The following NRG2 variants were observed in gnomAD, a reference collection of about 807,000 sequenced individuals.
NRG2 encodes pro-neuregulin-2, membrane-bound isoform.
A neutral mutation model predicts 73.9 loss-of-function variants in NRG2; 27 were observed. The observed-to-expected ratio is 0.37, with a 90% CI of 0.27 to 0.50. The LOEUF is 0.50. Among genes scored for constraint, NRG2 ranks in the 20% least tolerant of loss-of-function variants. NRG2 has a pLI of 0.96. For synonymous variants in NRG2, 532 were observed against 541.0 expected, an observed-to-expected ratio of 0.98 and a Z score of 0.23; for missense variants, 1,126 against 1,210.1, an observed-to-expected ratio of 0.93 and a Z score of 1.03.
intron 1 of NRG2, among the ~76,000 whole-genome samples, chr5:139,952,208 T>C (rs1015844212): frequency 6.6e-6 from 1 of 152,230 alleles, no homozygotes; most frequent in African/African-American, 2.4e-5. Flanking sequence ...TTCCTTTTCC[T>C]ACCCTGCTCC....
At chr5:139,950,564 G>A (rs1754127511) in intron 1 of NRG2, among the ~76,000 whole-genome samples, 1 of 152,210 alleles carries the variant, frequency 6.6e-6, no homozygotes, top group African/African-American at 2.4e-5. Context: ...GGGTAAAGGT[G>A]GCTTTGGACA....
chr5:139,854,119 A>G (rs1271884389), intron 6 of NRG2, among the ~76,000 whole-genome samples: 1 of 152,200 alleles, frequency 6.6e-6, no homozygotes, highest in Non-Finnish European at 1.5e-5. Context: ...ATTGGGCCTT[A>G]GTGTCCTGTT....
intron 1 of NRG2, among the ~76,000 whole-genome samples, chr5:139,897,821 G>C (rs1000537461): frequency 9.9e-5 from 15 of 152,194 alleles, no homozygotes; most frequent in Non-Finnish European, 7.3e-5. Flanking sequence ...GCCCTAGAAT[G>C]GCAGAGCAGA....
intron 1 of NRG2, among the ~76,000 whole-genome samples, chr5:140,040,669 G>T (rs1268487208): frequency 6.6e-6 from 1 of 152,080 alleles, no homozygotes. Context: ...GCTGTCCTTG[G>T]ACAAGATTCA....
chr5:139,885,967 C>T (rs1357795839), intron 2 of NRG2, among the ~76,000 whole-genome samples: 1 of 151,888 alleles, frequency 6.6e-6, no homozygotes, highest in African/African-American at 2.4e-5. Flanking sequence ...TGGAAGCAGC[C>T]TTGGTAGGGC....
chr5:139,956,704 A>AG (rs1348799382), intron 1 of NRG2, among the ~76,000 whole-genome samples: 1 of 152,228 alleles, frequency 6.6e-6, no homozygotes, highest in African/African-American at 2.4e-5. Flanking sequence ...CTAAATCAGC[A>AG]GGGCAGCTAG....
chr5:139,893,546 C>A (rs1448958387), intron 1 of NRG2, among the ~76,000 whole-genome samples: 1 of 152,206 alleles, frequency 6.6e-6, no homozygotes, highest in Middle Eastern at 3.2e-3. Flanking sequence ...CAGCTCCTTC[C>A]CCAGAGACGA....
chr5:139,949,017 C>T (rs1753998366), intron 1 of NRG2, among the ~76,000 whole-genome samples: 1 of 152,022 alleles, frequency 6.6e-6, no homozygotes, highest in Non-Finnish European at 1.5e-5. Context: ...TTCTCAGTGA[C>T]CCTGAGGCTT....
Position 139,895,848 on chromosome 5 carries a change from C to G in NRG2, c.701-8337G>C, listed in dbSNP as rs181528460. Among the ~76,000 whole-genome samples the G allele has an allele frequency of 5.9e-5, 9 of 152,352 alleles. No individual in the cohort carries two copies. The East Asian group carries it at 1.7e-3, about 29-fold the overall frequency. ...ACCCAAACTCTGTTTAATCTCCCTA[C>G]TGGGGAAAGCTGGGCTCTGGGCCAA... On this transcript the variant is annotated intron_variant, in intron 1 of 9. Coordinates refer to ENST00000361474, the MANE Select transcript of NRG2 (RefSeq NM_004883.3).
chr5:140,037,215 A>C (rs939084746), intron 1 of NRG2, among the ~76,000 whole-genome samples: 2 of 152,222 alleles, frequency 1.3e-5, no homozygotes, highest in African/African-American at 2.4e-5. Context: ...GATCTCCCAC[A>C]TGGACTCTAC....
At chr5:139,913,095 A>G (rs1750967663) in intron 1 of NRG2, among the ~76,000 whole-genome samples, 1 of 152,190 alleles carries the variant, frequency 6.6e-6, no homozygotes. Context: ...GCTCATGGGA[A>G]GTGGCATGCA....
intron 1 of NRG2, among the ~76,000 whole-genome samples, chr5:139,990,756 A>C (rs1360210535): frequency 1.3e-5 from 2 of 152,184 alleles, no homozygotes; most frequent in African/African-American, 4.8e-5. Flanking sequence ...AATGATGTTA[A>C]ACATCTCTCC....
intron 1 of NRG2, among the ~76,000 whole-genome samples, chr5:139,947,707 A>T (rs1436872367): frequency 6.6e-6 from 1 of 152,162 alleles, no homozygotes; most frequent in African/African-American, 2.4e-5. Context: ...ATCCTTGCCA[A>T]CATTTATTAT....
At chr5:140,021,809 C>T (rs1760253291) in intron 1 of NRG2, among the ~76,000 whole-genome samples, 1 of 152,168 alleles carries the variant, frequency 6.6e-6, no homozygotes. Context: ...GCTAATAAGC[C>T]TTTCTGTAGG....
chr5:139,995,472 T>A (rs114293863), intron 1 of NRG2, among the ~76,000 whole-genome samples: 2,398 of 152,276 alleles, frequency 0.016, 60 homozygotes, highest in African/African-American at 0.055. Flanking sequence ...AGATGCTGCA[T>A]GCCTGAGAAA....
intron 1 of NRG2, among the ~76,000 whole-genome samples, chr5:139,929,001 G>A (rs899184960): frequency 7.2e-5 from 11 of 152,034 alleles, no homozygotes; most frequent in African/African-American, 2.7e-4. Flanking sequence ...CTTTATCCTG[G>A]TTCTCTATTC....
chr5:139,988,383 C>G (rs903141722), intron 1 of NRG2, among the ~76,000 whole-genome samples: 1 of 152,040 alleles, frequency 6.6e-6, no homozygotes, highest in East Asian at 1.9e-4. Context: ...ATTGCCAAAA[C>G]TTGAAAGCAA....
intron 1 of NRG2, among the ~76,000 whole-genome samples, chr5:139,966,476 A>C (rs1456033380): frequency 1.3e-5 from 2 of 152,220 alleles, no homozygotes; most frequent in Non-Finnish European, 2.9e-5. Flanking sequence ...AGGTAAGATC[A>C]GAGGACCCAC....
At chr5:139,928,194 T>A (rs997486185) in intron 1 of NRG2, among the ~76,000 whole-genome samples, 1 of 152,166 alleles carries the variant, frequency 6.6e-6, no homozygotes, top group Admixed American at 6.5e-5. Context: ...CAAGTGAGCA[T>A]GAATGCCCAG....
Sources: allele counts gnomAD v4.1 joint callset (sites outside exome capture counted in the v4.1 genomes callset), GRCh38; gene constraint gnomAD v4.1.1; transcripts MANE v1.5; gene names NCBI Gene and HGNC (gene_info 2026-07-23, HGNC 2026-07-21).